SCAPER: variants seen among roughly 807,000 people sequenced by gnomAD.
SCAPER encodes S-phase cyclin A associated protein in the ER.
Under a neutral mutation model 182.2 loss-of-function variants are expected in SCAPER, and 98 were observed. That is an observed-to-expected ratio of 0.54 (90% CI 0.46 to 0.64). The LOEUF (loss-of-function observed/expected upper bound fraction) is 0.64, where lower values mean the gene tolerates loss of function less well. Ranked by LOEUF, SCAPER falls within the 30% of genes least tolerant of loss-of-function variation. The pLI is 0.00. For missense variants in SCAPER, 1,432 were observed against 1,690.0 expected, an observed-to-expected ratio of 0.85 and a Z score of 2.68; for synonymous variants, 605 against 564.6, an observed-to-expected ratio of 1.07 and a Z score of -1.01.
intron 26 of SCAPER, among the ~76,000 whole-genome samples, chr15:76,417,353 T>C (rs2045724311): frequency 6.6e-6 from 1 of 152,232 alleles, no homozygotes; most frequent in African/African-American, 2.4e-5. Flanking sequence ...AGATACATCA[T>C]CTGCTGCTGC....
At chr15:76,488,980 C>T (rs1054321115) in intron 24 of SCAPER, among the ~76,000 whole-genome samples, 1 of 151,104 alleles carries the variant, frequency 6.6e-6, no homozygotes, top group African/African-American at 2.4e-5. Context: ...GTCTCAGCCT[C>T]CCAAAGTGCT....
intron 22 of SCAPER, among the ~76,000 whole-genome samples, chr15:76,613,378 G>A (rs1057152146): frequency 3.3e-5 from 5 of 152,092 alleles, no homozygotes; most frequent in Non-Finnish European, 5.9e-5. Context: ...ATTTCATGAC[G>A]AAGACACCAA....
chr15:76,872,891 T>G (rs933930609), intron 2 of SCAPER, among the ~76,000 whole-genome samples: 4 of 152,094 alleles, frequency 2.6e-5, no homozygotes, highest in Non-Finnish European at 4.4e-5. Context: ...TTAAAGTGGA[T>G]AAGGCCTTTA....
chr15:76,609,985 C>T (rs1449358077), intron 22 of SCAPER, among the ~76,000 whole-genome samples: 5 of 151,962 alleles, frequency 3.3e-5, no homozygotes, highest in Non-Finnish European at 5.9e-5. Context: ...AGGTTAGGCT[C>T]TGGTGAAATA....
At chr15:76,756,810 T>A (rs917779632) in intron 14 of SCAPER, among the ~76,000 whole-genome samples, 1 of 152,226 alleles carries the variant, frequency 6.6e-6, no homozygotes, top group Non-Finnish European at 1.5e-5. Flanking sequence ...GGTTAATAAT[T>A]ATAATTGTCA....
rs1555555703 is a variant in SCAPER, at chr15:76,726,124, A to AATATGAATATATATATAT, written c.2165+2470_2165+2471insATATATATATATTCATAT. Reference sequence around the variant, plus strand: ...TCTTTGATAAAGGGTTAATGTCTAGAATATATATATATATATATATATATA... The same window carrying AATATGAATATATATATAT: ...TCTTTGATAAAGGGTTAATGTCTAGAATATGAATATATATATATATATATATATATATATATATATATA... On this transcript the variant is annotated intron_variant, in intron 17 of 31. Transcript: ENST00000563290. Among the ~76,000 whole-genome samples, 78 of 15,336 alleles carry AATATGAATATATATATAT rather than the reference A, an allele frequency of 5.1e-3. 1 individual carries two copies. Among genetic ancestry groups the AATATGAATATATATATAT allele is most frequent in the African/African-American group, 0.011 (75 of 6,860 alleles). 10.1% of individuals were successfully genotyped at this position (15,336 alleles called of 152,430 possible).
At chr15:76,394,246 A>G (rs1157936838) in intron 27 of SCAPER, among the ~76,000 whole-genome samples, 1 of 152,172 alleles carries the variant, frequency 6.6e-6, no homozygotes, top group East Asian at 1.9e-4. Context: ...GCTTGGTATA[A>G]GGAGAGATGG....
intron 24 of SCAPER, among the ~76,000 whole-genome samples, chr15:76,490,478 T>C (rs2052183249): frequency 6.6e-6 from 1 of 152,326 alleles, no homozygotes; most frequent in Non-Finnish European, 1.5e-5. Context: ...AAGTCCTTTG[T>C]CCATTTTTTA....
intron 22 of SCAPER, among the ~76,000 whole-genome samples, chr15:76,619,576 A>ATT (rs1410680184): frequency 6.6e-6 from 1 of 151,630 alleles, no homozygotes. Context: ...CTCTGCAATT[A>ATT]TTTTTTCTTT....
At chr15:76,812,497 AAAAG>A (rs761583791) in intron 5 of SCAPER, among the ~76,000 whole-genome samples, 28 of 122,478 alleles carry the variant, frequency 2.3e-4, no homozygotes, top group South Asian at 5.5e-4. Context: ...AAAAAAAAAA[AAAAG>A]AAAGAAAGAA....
At chr15:76,445,032 T>C (rs1219716684) in intron 25 of SCAPER, among the ~76,000 whole-genome samples, 1 of 152,224 alleles carries the variant, frequency 6.6e-6, no homozygotes, top group Non-Finnish European at 1.5e-5. Flanking sequence ...TCTGGTCACA[T>C]GGATGAACTG....
chr15:76,371,248 A>G (rs2042149050), intron 29 of SCAPER, among the ~76,000 whole-genome samples: 1 of 152,142 alleles, frequency 6.6e-6, no homozygotes, highest in Non-Finnish European at 1.5e-5. Context: ...AAGAGACAAG[A>G]GATGGCAAGA....
chr15:76,364,294 TC>T (rs2041660660), intron 29 of SCAPER, among the ~76,000 whole-genome samples: 1 of 152,040 alleles, frequency 6.6e-6, no homozygotes, highest in African/African-American at 2.4e-5. Flanking sequence ...CTAGCCTTCT[TC>T]CCGGTGGTCC....
intron 17 of SCAPER, among the ~76,000 whole-genome samples, chr15:76,707,533 T>G (rs2059323122): frequency 6.6e-6 from 1 of 152,146 alleles, no homozygotes; most frequent in Admixed American, 6.6e-5. Context: ...AGAGGAATAT[T>G]TTATAATGAA....
intron 20 of SCAPER, among the ~76,000 whole-genome samples, chr15:76,696,094 T>C (rs1345156476): frequency 6.6e-6 from 1 of 152,204 alleles, no homozygotes; most frequent in Non-Finnish European, 1.5e-5. Flanking sequence ...CAGTGAATAC[T>C]TCTTCTACAA....
At chr15:76,445,994 A>G (rs2047972215) in intron 25 of SCAPER, among the ~76,000 whole-genome samples, 1 of 152,302 alleles carries the variant, frequency 6.6e-6, no homozygotes, top group East Asian at 1.9e-4. Flanking sequence ...TTCTTGTAGA[A>G]ATAGTGGTAG....
intron 5 of SCAPER, among the ~76,000 whole-genome samples, chr15:76,836,932 T>C (rs932433748): frequency 1.3e-5 from 2 of 152,012 alleles, no homozygotes; most frequent in Non-Finnish European, 2.9e-5. Context: ...ATAAAAACCA[T>C]AGAAGAAAAC....
chr15:76,893,980 G>A (rs2074293227), intron 1 of SCAPER, among the ~76,000 whole-genome samples: 1 of 152,228 alleles, frequency 6.6e-6, no homozygotes, highest in Non-Finnish European at 1.5e-5. Context: ...GCCAGGCGCA[G>A]TGGCTCACAC....
chr15:76,790,327 T>C (rs1006158838), intron 8 of SCAPER, among the ~76,000 whole-genome samples: 1 of 152,174 alleles, frequency 6.6e-6, no homozygotes, highest in Non-Finnish European at 1.5e-5. Context: ...CATTAAAACA[T>C]GGTCCTCTTT....
Sources: allele counts gnomAD v4.1 joint callset (sites outside exome capture counted in the v4.1 genomes callset), GRCh38; gene constraint gnomAD v4.1.1; transcripts MANE v1.5; gene names NCBI Gene and HGNC (gene_info 2026-07-23, HGNC 2026-07-21).